CNTN5: variants seen among roughly 807,000 people sequenced by gnomAD.
The protein encoded by CNTN5 is contactin 5.
Under a neutral mutation model 129.1 loss-of-function variants are expected in CNTN5, and 77 were observed. That is an observed-to-expected ratio of 0.60 (90% CI 0.50 to 0.72). The LOEUF (loss-of-function observed/expected upper bound fraction) is 0.72. Among genes scored for constraint, CNTN5 ranks in the 30% least tolerant of loss-of-function variants. The pLI is 0.00. For missense variants in CNTN5, 1,478 were observed against 1,328.8 expected, an observed-to-expected ratio of 1.11 and a Z score of -1.75; for synonymous variants, 509 against 465.6, an observed-to-expected ratio of 1.09 and a Z score of -1.20.
intron 1 of CNTN5, among the ~76,000 whole-genome samples, chr11:99,071,271 TTTTTG>T (rs1304909007): frequency 1.3e-5 from 2 of 152,152 alleles, no homozygotes; most frequent in Non-Finnish European, 2.9e-5. Flanking sequence ...ACAGAGGTTT[TTTTTG>T]TTTTGTTTTG....
intron 6 of CNTN5, among the ~76,000 whole-genome samples, chr11:99,856,446 G>T (rs1948036927): frequency 6.6e-6 from 1 of 152,138 alleles, no homozygotes; most frequent in Non-Finnish European, 1.5e-5. Context: ...ACAAGAAGTT[G>T]TTTAAAATGG....
At chr11:99,913,636 A>G (rs901678011) in intron 6 of CNTN5, among the ~76,000 whole-genome samples, 1 of 152,082 alleles carries the variant, frequency 6.6e-6, no homozygotes, top group Non-Finnish European at 1.5e-5. Flanking sequence ...TGGGATCTCA[A>G]AACACAATTT....
At chr11:99,891,679 C>G (rs1296921896) in intron 6 of CNTN5, among the ~76,000 whole-genome samples, 1 of 152,110 alleles carries the variant, frequency 6.6e-6, no homozygotes, top group Non-Finnish European at 1.5e-5. Context: ...TTTATGGCTG[C>G]GTGGTATTCC....
chr11:99,754,843 A>G (rs1411071133), intron 3 of CNTN5, among the ~76,000 whole-genome samples: 2 of 152,210 alleles, frequency 1.3e-5, no homozygotes, highest in Non-Finnish European at 2.9e-5. Flanking sequence ...CAAATGTAAA[A>G]TAACATCTAC....
chr11:100,020,914 T>C (rs938681686), intron 9 of CNTN5, among the ~76,000 whole-genome samples: 3 of 151,954 alleles, frequency 2.0e-5, no homozygotes, highest in African/African-American at 4.8e-5. Context: ...ATGAGAGAAA[T>C]TGAAGAAGAA....
intron 6 of CNTN5, among the ~76,000 whole-genome samples, chr11:99,909,635 A>G (rs1949602478): frequency 6.6e-6 from 1 of 152,166 alleles, no homozygotes; most frequent in Non-Finnish European, 1.5e-5. Flanking sequence ...TGCAGCCATA[A>G]AAAGTATGAG....
chr11:99,882,976 T>A (rs984489775), intron 6 of CNTN5, among the ~76,000 whole-genome samples: 1 of 152,214 alleles, frequency 6.6e-6, no homozygotes, highest in African/African-American at 2.4e-5. Flanking sequence ...GATGTTTGTC[T>A]TTCTGTGCCT....
intron 6 of CNTN5, among the ~76,000 whole-genome samples, chr11:99,895,370 C>A (rs943607869): frequency 1.3e-5 from 2 of 152,156 alleles, no homozygotes; most frequent in African/African-American, 4.8e-5. Flanking sequence ...TGGCAAATGT[C>A]AAATGAAGAG....
At chr11:99,238,470 T>C (rs1195388212) in intron 1 of CNTN5, among the ~76,000 whole-genome samples, 1 of 152,174 alleles carries the variant, frequency 6.6e-6, no homozygotes, top group Non-Finnish European at 1.5e-5. Context: ...CTTCAGGAAC[T>C]CTCATATAGT....
intron 1 of CNTN5, among the ~76,000 whole-genome samples, chr11:99,090,828 C>G (rs1354261404): frequency 6.6e-6 from 1 of 151,486 alleles, no homozygotes; most frequent in East Asian, 1.9e-4. Flanking sequence ...GGAGACCATC[C>G]TGGCTAACAC....
At chr11:99,640,998 G>A (rs1361743672) in intron 3 of CNTN5, among the ~76,000 whole-genome samples, 1 of 152,152 alleles carries the variant, frequency 6.6e-6, no homozygotes, top group Non-Finnish European at 1.5e-5. Flanking sequence ...ATCAGTTGAT[G>A]CTTAAACATA....
intron 1 of CNTN5, among the ~76,000 whole-genome samples, chr11:99,127,095 G>T (rs2135422846): frequency 6.6e-6 from 1 of 152,034 alleles, no homozygotes; most frequent in East Asian, 1.9e-4. Flanking sequence ...AATAGTTCAT[G>T]GTCTGTTTCA....
At chr11:99,794,245 A>G (rs1002304011) in intron 3 of CNTN5, among the ~76,000 whole-genome samples, 4 of 144,840 alleles carry the variant, frequency 2.8e-5, no homozygotes, top group Non-Finnish European at 4.5e-5. Context: ...AATAGCAATC[A>G]TTGCTTTTTT....
rs184667023 is a variant in CNTN5 at position 99,629,740 on chromosome 11, C to T, written c.55+73471C>T. On this transcript the variant is annotated intron_variant, in intron 3 of 24. Coordinates refer to ENST00000524871, the MANE Select transcript of CNTN5 (RefSeq NM_014361.4). ...TTATACAGAGCCTATTGCTAGGTTC[C>T]GTAAAAATATAAAATGAGATACTCA... 2.9e-3 allele frequency among the ~76,000 whole-genome samples: 434 copies of T among 151,522 alleles called. 2 individuals are homozygous for T. The highest frequency in any genetic ancestry group is 9.7e-3 in the African/African-American group (402 of 41,318).
At chr11:99,890,199 A>C (rs1949020251) in intron 6 of CNTN5, among the ~76,000 whole-genome samples, 1 of 152,298 alleles carries the variant, frequency 6.6e-6, no homozygotes, top group East Asian at 1.9e-4. Flanking sequence ...AACAACAACA[A>C]CATTCCACAG....
chr11:99,989,287 CT>C (rs1412941013), intron 8 of CNTN5, among the ~76,000 whole-genome samples: 2 of 151,920 alleles, frequency 1.3e-5, no homozygotes, highest in Non-Finnish European at 2.9e-5. Flanking sequence ...ATTTAATTTC[CT>C]TTTTAGTCAG....
intron 1 of CNTN5, among the ~76,000 whole-genome samples, chr11:99,107,717 G>T (rs1423273362): frequency 6.6e-6 from 1 of 151,844 alleles, no homozygotes; most frequent in Non-Finnish European, 1.5e-5. Context: ...AGATCATGAG[G>T]TCAGGAGATT....
intron 6 of CNTN5, among the ~76,000 whole-genome samples, chr11:99,855,238 G>T (rs555824180): frequency 4.6e-5 from 7 of 152,098 alleles, no homozygotes; most frequent in Non-Finnish European, 1.0e-4. Context: ...GAGCCCGGGA[G>T]TACTAGGTGA....
chr11:99,316,057 G>T (rs187285479), intron 1 of CNTN5, among the ~76,000 whole-genome samples: 17 of 151,862 alleles, frequency 1.1e-4, no homozygotes, highest in African/African-American at 3.9e-4. Context: ...GATAAAGGTG[G>T]CATACTTTTT....
Sources: gnomAD v4.1 joint callset for allele counts (sites outside exome capture counted in the v4.1 genomes callset) on GRCh38, gnomAD v4.1.1 for gene constraint, MANE v1.5 for transcripts, NCBI Gene and HGNC (gene_info 2026-07-23, HGNC 2026-07-21) for gene names.